The following HNRNPA2B1 variants were observed in gnomAD, a reference collection of about 807,000 sequenced individuals.
The protein encoded by HNRNPA2B1 is heterogeneous nuclear ribonucleoproteins A2/B1.
In HNRNPA2B1, 3 loss-of-function variants were observed where a neutral mutation model predicts 46.3. That is an observed-to-expected ratio of 0.06 (90% CI 0.03 to 0.17). HNRNPA2B1 has a LOEUF of 0.17. Among genes scored for constraint, HNRNPA2B1 ranks in the 10% least tolerant of loss-of-function variants. The pLI, the probability that HNRNPA2B1 is intolerant of heterozygous loss-of-function variation, is 1.00. For missense variants in HNRNPA2B1, 221 were observed against 418.9 expected, an observed-to-expected ratio of 0.53 and a Z score of 4.12; for synonymous variants, 225 against 133.8, an observed-to-expected ratio of 1.68 and a Z score of -4.70.
At position 26,193,421 on chromosome 7, in the gene HNRNPA2B1, G is replaced by A. The variant is rs764825027; in HGVS notation, c.842-48C>T. ...AGAACAATACAAACATTAAACCAAG[G>A]ACTTAGGACAAAGCTCCCATAAAAA... On this transcript the variant is annotated intron_variant, in intron 8 of 10. Coordinates refer to ENST00000618183, the MANE Select transcript of HNRNPA2B1 (RefSeq NM_002137.4). 1.6e-5 allele frequency: 25 copies of A among 1,572,482 alleles called. No individual in the cohort carries two copies. In the South Asian group the frequency reaches 2.4e-4, roughly 15 times the overall value.
intron 3 of HNRNPA2B1, 29 bp from the exon 4 acceptor site, chr7:26,197,046 CA>C: frequency 1.3e-6 from 2 of 1,547,564 alleles, no homozygotes; most frequent in Non-Finnish European, 8.9e-7. Context: ...AAAAGTCATC[CA>C]AACAGAAAAA....
At chr7:26,198,278 A>G (rs1366625440) in intron 1 of HNRNPA2B1, 1 of 155,066 alleles carries the variant, frequency 6.4e-6, no homozygotes, top group Non-Finnish European at 1.4e-5. Flanking sequence ...TATCTCAGCC[A>G]AAAAAACACA....
intron 1 of HNRNPA2B1, chr7:26,198,102 C>G (rs575770460): frequency 5.3e-4 from 194 of 365,372 alleles, no homozygotes; most frequent in Non-Finnish European, 8.1e-4. Flanking sequence ...AGAATCTTTA[C>G]CAAAAATTTC....
intron 7 of HNRNPA2B1, 66 bp downstream of exon 7, chr7:26,195,781 A>T: frequency 6.5e-7 from 1 of 1,531,782 alleles, no homozygotes; most frequent in Admixed American, 2.1e-5. Flanking sequence ...AATATAAATG[A>T]AGTAAATATA....
chr7:26,196,297 G>A (rs563756260), intron 6 of HNRNPA2B1, 104 bp downstream of exon 6: 19 of 935,166 alleles, frequency 2.0e-5, no homozygotes, highest in Non-Finnish European at 3.1e-5. Flanking sequence ...GAAGTCTTAG[G>A]AAAATTGACT....
At chr7:26,197,974 T>A in intron 1 of HNRNPA2B1, 1 of 592,596 alleles carries the variant, frequency 1.7e-6, no homozygotes, top group Non-Finnish European at 2.9e-6. Flanking sequence ...AGTTTCAAAG[T>A]CATTAATGCT....
chr7:26,191,362 G>C lies in HNRNPA2B1; in HGVS notation c.*998C>G, dbSNP rs917633487. The C allele has an allele frequency of 6.6e-6, 1 of 152,106 alleles. No individual in the cohort carries two copies. Among genetic ancestry groups the C allele is most frequent in the African/African-American group, 2.4e-5 (1 of 41,420 alleles). 9.4% of individuals were successfully genotyped at this position (152,106 alleles called of 1,614,324 possible). On this transcript the variant is annotated 3_prime_UTR_variant, in exon 11 of 11. Coordinates refer to ENST00000618183, the MANE Select transcript of HNRNPA2B1 (RefSeq NM_002137.4). ...ACCACTATACTGAAAGACCATTTAAGAGTATTAGTTTATCTTTTAGGGAGG... is the reference window on the plus strand; with the variant it reads ...ACCACTATACTGAAAGACCATTTAACAGTATTAGTTTATCTTTTAGGGAGG...
intron 1 of HNRNPA2B1, chr7:26,200,240 G>A (rs954826863): frequency 9.1e-6 from 3 of 329,740 alleles, no homozygotes; most frequent in African/African-American, 4.3e-5. Context: ...AGGAGACGCC[G>A]TGGCCCCCGA....
intron 1 of HNRNPA2B1, chr7:26,198,566 A>G (rs1250585351): frequency 1.3e-5 from 2 of 152,270 alleles, no homozygotes; most frequent in East Asian, 1.9e-4. Flanking sequence ...TGAAAGCTGA[A>G]GCTTACTTGA....
rs1270756419 is a variant in HNRNPA2B1 at position 26,197,666 on chromosome 7, A to C, written c.73T>G (p.Leu25Val). 1 of 1,614,040 alleles carries C rather than the reference A, an allele frequency of 6.2e-7. No individual in the cohort carries two copies. Among genetic ancestry groups the C allele is most frequent in the Admixed American group, 1.7e-5 (1 of 60,012 alleles). Residue 25 changes from leucine to valine, a missense_variant, in exon 2 of 11, where the codon TTG (leucine) becomes GTG (valine). Transcript: ENST00000618183. ...CCCCATTGTTCGTAGTAGTTCCTCA[A>C]ACTTTCTTCTGTGGTTTCAAAGCTT... ...GLSFETTEESLRNYYEQWGKL... is the reference protein window; with the variant it reads ...GLSFETTEESVRNYYEQWGKL...
At chr7:26,199,730 G>C (rs575141710) in intron 1 of HNRNPA2B1, 2 of 151,920 alleles carry the variant, frequency 1.3e-5, no homozygotes, top group Admixed American at 6.6e-5. Context: ...ACTGACTGCA[G>C]ACCCAGATAA....
chr7:26,198,606 A>G (rs1783957582), intron 1 of HNRNPA2B1: 1 of 152,254 alleles, frequency 6.6e-6, no homozygotes, highest in African/African-American at 2.4e-5. Context: ...CAGGCACAAA[A>G]CAATTTTCCA....
At chr7:26,195,092 C>CAA (rs11356411) in intron 7 of HNRNPA2B1, among the ~76,000 whole-genome samples, 1,050 of 51,858 alleles carry the variant, frequency 0.02, 38 homozygotes, top group African/African-American at 0.055. Context: ...GGCTCCGTCT[C>CAA]AAAAAAAAAA....
chr7:26,194,021 G>A (rs773663914), intron 7 of HNRNPA2B1, among the ~76,000 whole-genome samples: 1 of 152,202 alleles, frequency 6.6e-6, no homozygotes, highest in Non-Finnish European at 1.5e-5. Flanking sequence ...GTGGGCTAGA[G>A]GGAAAGTAAA....
chr7:26,194,113 C>G (rs529413526), intron 7 of HNRNPA2B1, among the ~76,000 whole-genome samples: 2 of 152,084 alleles, frequency 1.3e-5, no homozygotes, highest in African/African-American at 4.8e-5. Flanking sequence ...ACAATGTTCT[C>G]GGTTGGGCAC....
chr7:26,194,962 T>C (rs1195486605), intron 7 of HNRNPA2B1, among the ~76,000 whole-genome samples: 1 of 150,670 alleles, frequency 6.6e-6, no homozygotes, highest in Non-Finnish European at 1.5e-5. Context: ...GGCGTGGTGG[T>C]GCACGCCGGT....
At position 26,196,544 on chromosome 7, in the gene HNRNPA2B1, G is replaced by T; in HGVS notation, c.577+13C>A. The T allele has an allele frequency of 6.2e-7, 1 of 1,611,806 alleles. No individual in the cohort carries two copies. The highest frequency in any genetic ancestry group is 8.5e-7 in the Non-Finnish European group (1 of 1,178,198). Reference sequence around the variant, plus strand: ...TATGAACAAAAATAAAGAAGAAACAGAATTAAAATTACCTCCTCTTCCACT... The same window carrying T: ...TATGAACAAAAATAAAGAAGAAACATAATTAAAATTACCTCCTCTTCCACT... On this transcript the variant is annotated intron_variant, in intron 5 of 10. Transcript: ENST00000618183.
At chr7:26,195,673 G>C (rs1327295935) in intron 7 of HNRNPA2B1, 174 bp downstream of exon 7, 2 of 633,976 alleles carry the variant, frequency 3.2e-6, no homozygotes, top group East Asian at 3.0e-5. Flanking sequence ...CTATTCCTTA[G>C]GCTATAACAG....
intron 1 of HNRNPA2B1, chr7:26,198,428 TAAA>T (rs1373284463): frequency 6.6e-6 from 1 of 152,484 alleles, no homozygotes; most frequent in Admixed American, 6.5e-5. Context: ...ACTCGAAGCT[TAAA>T]AAGTTTAATT....
Sources: allele counts gnomAD v4.1 joint callset (sites outside exome capture counted in the v4.1 genomes callset), GRCh38; gene constraint gnomAD v4.1.1; transcripts MANE v1.5; gene names NCBI Gene and HGNC (gene_info 2026-07-23, HGNC 2026-07-21).